Variants in DAB1 observed in about 807,000 individuals in gnomAD.
DAB1 encodes DAB adaptor protein 1.
In DAB1, 15 loss-of-function variants were observed where a neutral mutation model predicts 64.6. The observed-to-expected ratio is 0.23, with a 90% confidence interval of 0.16 to 0.36. DAB1 has a LOEUF of 0.36. DAB1 is among the 10% of genes least tolerant of loss of function. The pLI, the probability that DAB1 is intolerant of heterozygous loss-of-function variation, is 1.00. For missense variants in DAB1, 596 were observed against 706.7 expected (o/e 0.84, Z 1.78); for synonymous variants, 235 against 251.9 (o/e 0.93, Z 0.64).
chr1:57,583,434 G>A (rs769378128), intron 7 of DAB1, among the ~76,000 whole-genome samples: 3 of 151,818 alleles, frequency 2.0e-5, no homozygotes, highest in South Asian at 2.1e-4. Flanking sequence ...CTACACGCGC[G>A]CGCCAATATG....
intron 4 of DAB1, among the ~76,000 whole-genome samples, chr1:58,335,184 G>A (rs1256315643): frequency 1.3e-5 from 2 of 152,206 alleles, no homozygotes; most frequent in African/African-American, 2.4e-5. Context: ...AAACCAGGAG[G>A]AAGAGCATCC....
At chr1:58,331,550 C>T (rs538794816) in intron 4 of DAB1, among the ~76,000 whole-genome samples, 10 of 152,222 alleles carry the variant, frequency 6.6e-5, no homozygotes, top group Non-Finnish European at 1.5e-4. Context: ...ATGCAGCAAA[C>T]TTCATTGTTG....
intron 5 of DAB1, among the ~76,000 whole-genome samples, chr1:58,109,924 T>C (rs565200995): frequency 6.6e-6 from 1 of 152,304 alleles, no homozygotes; most frequent in East Asian, 1.9e-4. Context: ...CCTTCTCTCC[T>C]ACACTGTGAT....
At chr1:58,334,625 T>TCA (rs1404812061) in intron 4 of DAB1, among the ~76,000 whole-genome samples, 42 of 140,672 alleles carry the variant, frequency 3.0e-4, no homozygotes, top group African/African-American at 1.0e-3. Context: ...TTATATTATA[T>TCA]TATATTATAT....
At chr1:58,367,357 A>G (rs1230331196) in intron 3 of DAB1, among the ~76,000 whole-genome samples, 1 of 152,192 alleles carries the variant, frequency 6.6e-6, no homozygotes, top group African/African-American at 2.4e-5. Context: ...AACTACTTAG[A>G]CAGAACACTT....
chr1:58,249,346 C>T (rs1247605641), intron 4 of DAB1, among the ~76,000 whole-genome samples: 1 of 150,670 alleles, frequency 6.6e-6, no homozygotes, highest in Non-Finnish European at 1.5e-5. Context: ...GGGCTGGATT[C>T]CCACCTCATC....
intron 1 of DAB1, among the ~76,000 whole-genome samples, chr1:57,330,457 C>G (rs146454751): frequency 6.6e-6 from 1 of 152,222 alleles, no homozygotes; most frequent in Non-Finnish European, 1.5e-5. Context: ...GCTGGGTAAC[C>G]TTGGATAACT....
chr1:57,231,966 C>A (rs1239029050), intron 2 of DAB1, among the ~76,000 whole-genome samples: 1 of 152,172 alleles, frequency 6.6e-6, no homozygotes, highest in Non-Finnish European at 1.5e-5. Flanking sequence ...GACTTAGTGA[C>A]TCTGTACTCC....
intron 4 of DAB1, among the ~76,000 whole-genome samples, chr1:58,309,116 A>G (rs1291156832): frequency 6.6e-6 from 1 of 152,168 alleles, no homozygotes; most frequent in Non-Finnish European, 1.5e-5. Context: ...TCTTAGCTAT[A>G]AAATGCGGAT....
intron 10 of DAB1, among the ~76,000 whole-genome samples, chr1:57,025,229 G>A (rs1399719226): frequency 6.6e-6 from 1 of 152,194 alleles, no homozygotes; most frequent in East Asian, 1.9e-4. Context: ...TGGCAGAATT[G>A]CTTTTGAATG....
At chr1:58,300,598 AAGAAAGAAAGAAAG>A (rs1662113050) in intron 4 of DAB1, among the ~76,000 whole-genome samples, 17 of 37,658 alleles carry the variant, frequency 4.5e-4, no homozygotes, top group Non-Finnish European at 6.8e-4. Context: ...GAAAGAAAGA[AAGAAAGAAAGAAAG>A]AGAGAGAGAG....
At chr1:58,079,393 CCAT>C (rs1397804868) in intron 5 of DAB1, among the ~76,000 whole-genome samples, 2 of 152,248 alleles carry the variant, frequency 1.3e-5, no homozygotes, top group East Asian at 3.9e-4. Flanking sequence ...TATTATCTGC[CCAT>C]CATCAACAGC....
chr1:57,271,535 A>ACAGCTT (rs776724425), intron 2 of DAB1, among the ~76,000 whole-genome samples: 7 of 152,196 alleles, frequency 4.6e-5, no homozygotes, highest in Non-Finnish European at 1.0e-4. Context: ...GTTGGGAAGC[A>ACAGCTT]CAGCTTCACA....
At chr1:57,647,296 C>T (rs1055885372) in intron 7 of DAB1, among the ~76,000 whole-genome samples, 1 of 152,190 alleles carries the variant, frequency 6.6e-6, no homozygotes. Flanking sequence ...TTCAGCAATG[C>T]ATGATTTTAT....
chr1:57,212,438 G>A (rs1156763323), intron 2 of DAB1, among the ~76,000 whole-genome samples: 1 of 126,680 alleles, frequency 7.9e-6, no homozygotes, highest in Non-Finnish European at 1.5e-5. Context: ...CGCGATCTCA[G>A]CTCACTGCAA....
chr1:58,011,662 G>C (rs180849675), intron 5 of DAB1, among the ~76,000 whole-genome samples: 21 of 151,368 alleles, frequency 1.4e-4, no homozygotes, highest in African/African-American at 4.4e-4. Context: ...CTTCATTTTC[G>C]TCCCCTTCCT....
chr1:57,160,872 T>C (rs887148211), intron 2 of DAB1, among the ~76,000 whole-genome samples: 5 of 152,098 alleles, frequency 3.3e-5, no homozygotes, highest in African/African-American at 1.2e-4. Flanking sequence ...AACTGGTTGA[T>C]TAGATGGGGC....
intron 9 of DAB1, among the ~76,000 whole-genome samples, chr1:57,053,687 TA>T (rs67156162): frequency 0.07 from 6,518 of 93,056 alleles, 276 homozygotes; most frequent in Non-Finnish European, 0.1. Flanking sequence ...TATATATATA[TA>T]TTTTTTTTTT....
At chr1:58,486,951 C>G (rs1645586033) in intron 3 of DAB1, among the ~76,000 whole-genome samples, 1 of 152,102 alleles carries the variant, frequency 6.6e-6, no homozygotes, top group Admixed American at 6.5e-5. Flanking sequence ...AAATTACGTG[C>G]CTGGAAGACA....
Sources: allele counts gnomAD v4.1 joint callset (sites outside exome capture counted in the v4.1 genomes callset), GRCh38; gene constraint gnomAD v4.1.1; transcripts MANE v1.5; gene names NCBI Gene and HGNC (gene_info 2026-07-23, HGNC 2026-07-21).